Variants in PTPRD observed in about 807,000 individuals in gnomAD.
PTPRD encodes receptor-type tyrosine-protein phosphatase delta.
A neutral mutation model predicts 214.5 loss-of-function variants in PTPRD; 34 were observed. That is an observed-to-expected ratio of 0.16 (90% confidence interval 0.12 to 0.21). PTPRD has a LOEUF of 0.21. Ranked by LOEUF, PTPRD falls within the 10% of genes least tolerant of loss-of-function variation. The pLI is 1.00. For synonymous variants in PTPRD, 1,128 were observed against 845.7 expected, an observed-to-expected ratio of 1.33 and a Z score of -5.79; for missense variants, 2,545 against 2,398.7, an observed-to-expected ratio of 1.06 and a Z score of -1.27.
At chr9:8,368,999 A>G (rs2080755872) in intron 39 of PTPRD, among the ~76,000 whole-genome samples, 1 of 152,114 alleles carries the variant, frequency 6.6e-6, no homozygotes, top group African/African-American at 2.4e-5. Flanking sequence ...CATCTACAGA[A>G]GGCTAGCATC....
At chr9:10,373,447 G>A (rs1184752574) in intron 2 of PTPRD, among the ~76,000 whole-genome samples, 1 of 151,916 alleles carries the variant, frequency 6.6e-6, no homozygotes, top group Non-Finnish European at 1.5e-5. Context: ...GAGCTTTGTT[G>A]GCCTCACTTA....
chr9:8,757,288 C>T (rs1198314454), intron 11 of PTPRD, among the ~76,000 whole-genome samples: 2 of 151,968 alleles, frequency 1.3e-5, no homozygotes, highest in African/African-American at 4.8e-5. Context: ...GGAATGTGAA[C>T]AATTAGAAAA....
chr9:9,972,505 C>CTT (rs1161739846), intron 4 of PTPRD, among the ~76,000 whole-genome samples: 2 of 152,140 alleles, frequency 1.3e-5, no homozygotes, highest in Non-Finnish European at 1.5e-5. Flanking sequence ...ATAGAAATTA[C>CTT]TTGAGTGCCT....
intron 7 of PTPRD, among the ~76,000 whole-genome samples, chr9:9,670,258 T>C (rs2096801328): frequency 6.6e-6 from 1 of 151,952 alleles, no homozygotes; most frequent in Admixed American, 6.6e-5. Flanking sequence ...AATCTCATCT[T>C]TGAACTTGAG....
At chr9:9,346,167 T>C (rs913871551) in intron 9 of PTPRD, among the ~76,000 whole-genome samples, 2 of 152,156 alleles carry the variant, frequency 1.3e-5, no homozygotes, top group Non-Finnish European at 2.9e-5. Context: ...TTCCTAGCCA[T>C]ATTCTCCTGA....
At chr9:8,564,324 T>A (rs2087912702) in intron 14 of PTPRD, among the ~76,000 whole-genome samples, 1 of 152,216 alleles carries the variant, frequency 6.6e-6, no homozygotes, top group African/African-American at 2.4e-5. Flanking sequence ...TATCAAGATG[T>A]AACCTCATCA....
chr9:9,115,262 G>A (rs2099811266), intron 10 of PTPRD, among the ~76,000 whole-genome samples: 2 of 152,084 alleles, frequency 1.3e-5, no homozygotes, highest in Non-Finnish European at 2.9e-5. Flanking sequence ...GTTTCATTTG[G>A]GATGCTTTTT....
intron 2 of PTPRD, among the ~76,000 whole-genome samples, chr9:10,344,007 T>TTTTTTTTTTTG (rs1253555165): frequency 7.2e-6 from 1 of 139,428 alleles, no homozygotes; most frequent in African/African-American, 2.7e-5. Flanking sequence ...TTTTTTTTTT[T>TTTTTTTTTTTG]GCTGTGCAGA....
intron 33 of PTPRD, among the ~76,000 whole-genome samples, chr9:8,453,134 G>C (rs959967982): frequency 6.6e-6 from 1 of 152,118 alleles, no homozygotes; most frequent in African/African-American, 2.4e-5. Flanking sequence ...CATTTTAATA[G>C]AAAAAGAAAG....
At chr9:10,382,661 G>A (rs1226509406) in intron 2 of PTPRD, among the ~76,000 whole-genome samples, 1 of 151,772 alleles carries the variant, frequency 6.6e-6, no homozygotes, top group Non-Finnish European at 1.5e-5. Context: ...ATATATCACA[G>A]GATGAGGTTT....
intron 11 of PTPRD, among the ~76,000 whole-genome samples, chr9:9,018,372 G>A (rs897755950): frequency 5.9e-5 from 9 of 152,156 alleles, no homozygotes; most frequent in East Asian, 1.9e-4. Context: ...AAAAATCATC[G>A]TGTAAAAATT....
At chr9:10,489,941 T>C (rs1002986178) in intron 2 of PTPRD, among the ~76,000 whole-genome samples, 3 of 152,172 alleles carry the variant, frequency 2.0e-5, no homozygotes, top group Admixed American at 1.3e-4. Flanking sequence ...CTTTCAGCAA[T>C]ATAAAGTTAA....
chr9:8,845,417 G>A (rs896252677), intron 11 of PTPRD, among the ~76,000 whole-genome samples: 5 of 152,146 alleles, frequency 3.3e-5, no homozygotes, highest in African/African-American at 1.2e-4. Flanking sequence ...TCCTCTCCTG[G>A]CTAGCTCTGG....
At chr9:9,878,299 T>C (rs1287091104) in intron 5 of PTPRD, among the ~76,000 whole-genome samples, 13 of 152,190 alleles carry the variant, frequency 8.5e-5, no homozygotes, top group Admixed American at 7.9e-4. Flanking sequence ...TTATATGCTA[T>C]GCTATTTGAG....
chr9:10,142,237 C>A (rs946152106), intron 3 of PTPRD, among the ~76,000 whole-genome samples: 3 of 151,336 alleles, frequency 2.0e-5, no homozygotes, highest in African/African-American at 4.9e-5. Context: ...GTCTAAAACA[C>A]CAAAAGCAAT....
At chr9:8,833,684 T>TC (rs1566464923) in intron 11 of PTPRD, among the ~76,000 whole-genome samples, 2 of 123,132 alleles carry the variant, frequency 1.6e-5, no homozygotes, top group African/African-American at 6.8e-5. Flanking sequence ...ATGAAAACTC[T>TC]CTCCTCTCTC....
intron 2 of PTPRD, among the ~76,000 whole-genome samples, chr9:10,350,080 A>C (rs2154456393): frequency 6.6e-6 from 1 of 152,354 alleles, no homozygotes; most frequent in South Asian, 2.1e-4. Flanking sequence ...TCTATGTGAC[A>C]CTATTGATTA....
intron 5 of PTPRD, among the ~76,000 whole-genome samples, chr9:9,800,201 G>T (rs1296608956): frequency 6.6e-6 from 1 of 152,136 alleles, no homozygotes; most frequent in Non-Finnish European, 1.5e-5. Context: ...GCCAGGCGGG[G>T]TGGTGCACTT....
At chr9:10,584,655 T>C (rs929052785) in intron 2 of PTPRD, among the ~76,000 whole-genome samples, 4 of 152,170 alleles carry the variant, frequency 2.6e-5, no homozygotes, top group African/African-American at 9.7e-5. Flanking sequence ...TTAAACTACC[T>C]AGATTTGTGT....
Sources: gnomAD v4.1 joint callset for allele counts (sites outside exome capture counted in the v4.1 genomes callset) on GRCh38, gnomAD v4.1.1 for gene constraint, MANE v1.5 for transcripts, NCBI Gene and HGNC (gene_info 2026-07-23, HGNC 2026-07-21) for gene names.